The following UTP15 variants were observed in gnomAD, a reference collection of about 807,000 sequenced individuals.
UTP15 encodes UTP15 small subunit processome component, also known as U3 small nucleolar RNA-associated protein 15 homolog.
UTP15 carries 5 observed loss-of-function variants against 59.1 expected under a neutral mutation model. The ratio of observed to expected loss-of-function variants is 0.08; its 90% CI spans 0.04 to 0.18. The LOEUF (loss-of-function observed/expected upper bound fraction) is 0.18. Ranked by LOEUF, UTP15 falls within the 10% of genes least tolerant of loss-of-function variation. The pLI is 1.00. For synonymous variants in UTP15, 211 were observed against 212.2 expected (o/e 0.99, Z 0.05); for missense variants, 494 against 616.7 (o/e 0.80, Z 2.11).
chr5:73,575,284 A>C lies in UTP15; in HGVS notation c.810-1668A>C, dbSNP rs931777773. Among the ~76,000 whole-genome samples, 3 of 152,340 alleles carry C rather than the reference A, an allele frequency of 2.0e-5. No individual in the cohort carries two copies. The South Asian group carries it at 6.2e-4, about 32-fold the overall frequency. On this transcript the variant is annotated intron_variant, in intron 7 of 12. Coordinates refer to ENST00000296792, the MANE Select transcript of UTP15 (RefSeq NM_032175.4). Reference sequence around the variant, plus strand: ...CTTGATTCTTAGGTATGTTCCTAAAAGCTAAGTGTAAATTGGCTCTATTTG... The same window carrying C: ...CTTGATTCTTAGGTATGTTCCTAAACGCTAAGTGTAAATTGGCTCTATTTG...
intron 7 of UTP15, among the ~76,000 whole-genome samples, chr5:73,574,111 C>T (rs1748020170): frequency 6.6e-6 from 1 of 151,690 alleles, no homozygotes; most frequent in Non-Finnish European, 1.5e-5. Flanking sequence ...TCACTTGAGG[C>T]CAGGAGTTTG....
chr5:73,569,460 T>G, intron 4 of UTP15, 37 bp from the exon 5 acceptor site: 1 of 1,415,724 alleles, frequency 7.1e-7, no homozygotes, highest in Non-Finnish European at 9.3e-7. Context: ...AAAAATAATT[T>G]TCTTGCTTTT....
At chr5:73,566,226 T>TA (rs1747757990) in intron 1 of UTP15, 1 of 216,078 alleles carries the variant, frequency 4.6e-6, no homozygotes, top group African/African-American at 2.3e-5. Context: ...ATTTGGGAGA[T>TA]AAAATCAGCA....
chr5:73,578,522 A>G, intron 9 of UTP15: 1 of 454,412 alleles, frequency 2.2e-6, no homozygotes, highest in Non-Finnish European at 3.9e-6. Flanking sequence ...TTGTAAGTTA[A>G]AATTATAAGA....
At position 73,577,891 on chromosome 5, in the gene UTP15, T is replaced by C; in HGVS notation, c.930T>C (p.Asn310=). 1.3e-6 allele frequency: 2 copies of C among 1,594,930 alleles called. No individual in the cohort carries two copies. Among genetic ancestry groups the C allele is most frequent in the Non-Finnish European group, 1.7e-6 (2 of 1,173,990 alleles). The change falls in exon 9 of 13, where the codon AAT becomes AAC. Residue 310 remains asparagine, a synonymous_variant. Coordinates refer to ENST00000296792, the MANE Select transcript of UTP15 (RefSeq NM_032175.4). ...AGACAATAGTTGTAGGAATGACCAA[T>C]GGAATACTGAGTGTTAAACATCGGA... is the stretch of plus-strand genomic sequence containing the variant. ...EDETIVVGMT[N]GILSVKHRKS...
Position 73,579,330 on chromosome 5 carries a change from C to T in UTP15, c.1294C>T (p.Pro432Ser). ...TTTACTTTGTAGGAATCTTTCTCAG[C>T]CAAGATTTGCCCCTGTTTTAATCAA... The part of the protein sequence containing the change: ...LNFLIRNLSQ[P>S]RFAPVLINAA... Residue 432 changes from proline (P) to serine (S), a missense_variant, in exon 12 of 13, where the codon CCA becomes TCA. By Grantham distance (74) the Pro-to-Ser change is moderately conservative. Transcript: ENST00000296792. The T allele has an allele frequency of 6.2e-7, 1 of 1,609,044 alleles. No individual in the cohort carries two copies. The highest frequency in any genetic ancestry group is 8.5e-7 in the Non-Finnish European group (1 of 1,178,254).
Position 73,565,840 on chromosome 5 carries a change from A to G in UTP15, c.-156A>G, listed in dbSNP as rs181286582. The stretch of plus-strand genomic sequence containing the variant: ...CCAGTGCTGCTGAACTGTGCAGGGT[A>G]GGGAGCTGGCACAGTCCGATTAATT... On this transcript the variant is annotated 5_prime_UTR_variant, in exon 1 of 13. Transcript: ENST00000296792. 1,071 of 456,284 alleles carry G rather than the reference A, an allele frequency of 2.3e-3. 13 individuals carry two copies. The highest frequency in any genetic ancestry group is 0.02 in the African/African-American group (991 of 50,182). The allele number at this position is 456,284 out of a possible 1,614,324, so 28.3% of individuals were successfully genotyped here.
intron 6 of UTP15, among the ~76,000 whole-genome samples, chr5:73,571,069 C>G (rs1044311124): frequency 1.3e-5 from 2 of 152,044 alleles, no homozygotes; most frequent in East Asian, 3.9e-4. Flanking sequence ...CCTGTGCCAT[C>G]TTATTTATTT....
At chr5:73,567,876 T>A (rs1304021701) in intron 2 of UTP15, among the ~76,000 whole-genome samples, 2 of 152,180 alleles carry the variant, frequency 1.3e-5, no homozygotes, top group African/African-American at 2.4e-5. Flanking sequence ...AGAAGCAAGA[T>A]GTGGAACAGC....
intron 5 of UTP15, 44 bp downstream of exon 5, chr5:73,569,719 G>A (rs989467958): frequency 1.4e-6 from 2 of 1,475,244 alleles, no homozygotes; most frequent in Non-Finnish European, 1.8e-6. Context: ...ATCTCACGGG[G>A]ATGTACTTTA....
rs968201998 is a variant in UTP15 at position 73,577,797 on chromosome 5, A to G, written c.895-59A>G. 4 of 1,438,766 alleles carry G rather than the reference A, an allele frequency of 2.8e-6. No homozygotes were observed. The African/African-American group carries it at 5.8e-5, about 21-fold the overall frequency. The allele number at this position is 1,438,766 out of a possible 1,614,324, so 89.1% of individuals were successfully genotyped here. A position where few individuals can be genotyped will look rare whatever the true frequency, so the allele number is the denominator to read the frequency against. ...ACACATGGTAAATGTGTTTTGAAGT[A>G]AAAGTACTATAAATTACGAGTTAAG... is the stretch of plus-strand genomic sequence containing the variant. On this transcript the variant is annotated intron_variant, in intron 8 of 12. Transcript: ENST00000296792.
rs541640301 is a variant in UTP15 at position 73,577,909 on chromosome 5, A to G, written c.948A>G (p.Lys316=). The change falls in exon 9 of 13, where the codon AAA becomes AAG. Residue 316 remains lysine, a synonymous_variant. Transcript: ENST00000296792. ...TGACCAATGGAATACTGAGTGTTAA[A>G]CATCGGAAATCTGAAGCAAAGAAGG... ...VGMTNGILSV[K]HRKSEAKKES... 38 of 1,593,424 alleles carry G rather than the reference A, an allele frequency of 2.4e-5. No homozygotes were observed. In the South Asian group the frequency reaches 3.6e-4, roughly 15 times the overall value.
intron 2 of UTP15, among the ~76,000 whole-genome samples, 164 bp from the exon 3 acceptor site, chr5:73,568,071 G>T (rs913750374): frequency 1.3e-5 from 2 of 152,136 alleles, no homozygotes; most frequent in Non-Finnish European, 2.9e-5. Flanking sequence ...AATAGTCTGG[G>T]TGATGAGATA....
In UTP15 at chr5:73,565,754, G is replaced by A. The variant is rs1747729912; in HGVS notation, c.-242G>A. Reference sequence around the variant, plus strand: ...GAGCGTGCTCTGGTACGTCATCTTCGCGCGACGTTCGGTTCGCTGTGTGTG... The same window carrying A: ...GAGCGTGCTCTGGTACGTCATCTTCACGCGACGTTCGGTTCGCTGTGTGTG... On this transcript the variant is annotated 5_prime_UTR_variant, in exon 1 of 13. Transcript: ENST00000296792. The A allele has an allele frequency of 4.4e-6, 2 of 456,084 alleles. No homozygotes were observed. Among genetic ancestry groups the A allele is most frequent in the African/African-American group, 4.0e-5 (2 of 50,052 alleles). The allele number at this position is 456,084 out of a possible 1,614,324, so 28.3% of individuals were successfully genotyped here. A position where few individuals can be genotyped will look rare whatever the true frequency, so the allele number is the denominator to read the frequency against.
chr5:73,582,731 T>C lies in UTP15; in HGVS notation c.*2637T>C, dbSNP rs1296683802. On this transcript the variant is annotated 3_prime_UTR_variant, in exon 13 of 13. Transcript: ENST00000296792. ...CATTGAGATAAACTGTAGTATTTGC[T>C]GTTTGAAGTATTTAAACATAATTGG... 1 of 152,244 alleles carries C rather than the reference T, an allele frequency of 6.6e-6. No homozygotes were observed. The highest frequency in any genetic ancestry group is 1.5e-5 in the Non-Finnish European group (1 of 68,040). The allele number at this position is 152,244 out of a possible 1,614,324, so 9.4% of individuals were successfully genotyped here.
intron 6 of UTP15, among the ~76,000 whole-genome samples, chr5:73,572,179 A>G (rs1457807892): frequency 1.3e-5 from 2 of 152,162 alleles, no homozygotes; most frequent in Non-Finnish European, 2.9e-5. Flanking sequence ...GCTATATAGA[A>G]TTTCTTTTAA....
At chr5:73,576,337 C>G (rs1266645028) in intron 7 of UTP15, among the ~76,000 whole-genome samples, 1 of 151,888 alleles carries the variant, frequency 6.6e-6, no homozygotes, top group East Asian at 1.9e-4. Flanking sequence ...AACTCCTGGC[C>G]TCAAGTGATC....
At position 73,577,030 on chromosome 5, in the gene UTP15, C is replaced by G. The variant is rs760770502; in HGVS notation, c.888C>G (p.Ala296=). Residue 296 remains alanine, a synonymous_variant, in exon 8 of 13, where the codon GCC becomes GCG. Coordinates refer to ENST00000296792, the MANE Select transcript of UTP15 (RefSeq NM_032175.4). ...FDYAASILSL[A]LAHEDETIVV... ...ATGCAGCTTCAATTTTGAGTCTTGC[C>G]CTTGCAGTAAGTACCTTTACCTATT... 6.2e-7 allele frequency: 1 copy of G among 1,607,782 alleles called. No individual in the cohort carries two copies. Among genetic ancestry groups the G allele is most frequent in the African/African-American group, 1.3e-5 (1 of 74,634 alleles).
intron 6 of UTP15, among the ~76,000 whole-genome samples, 168 bp from the exon 7 acceptor site, chr5:73,572,321 C>A (rs1747954816): frequency 6.6e-6 from 1 of 152,096 alleles, no homozygotes; most frequent in Non-Finnish European, 1.5e-5. Context: ...CTGTTATTAC[C>A]AATGACCCAG....
Sources: allele counts gnomAD v4.1 joint callset (sites outside exome capture counted in the v4.1 genomes callset), GRCh38; gene constraint gnomAD v4.1.1; transcripts MANE v1.5; gene names NCBI Gene and HGNC (gene_info 2026-07-23, HGNC 2026-07-21).